NCOA2: variants seen among roughly 807,000 people sequenced by gnomAD.
NCOA2 encodes the protein nuclear receptor coactivator 2.
NCOA2 carries 21 observed loss-of-function variants against 145.1 expected under a neutral mutation model. The ratio of observed to expected loss-of-function variants is 0.14; its 90% CI spans 0.10 to 0.21. The LOEUF (loss-of-function observed/expected upper bound fraction) is 0.21. Ranked by LOEUF, NCOA2 falls within the 10% of genes least tolerant of loss-of-function variation. NCOA2 has a pLI of 1.00. For missense variants in NCOA2, 1,472 were observed against 1,837.6 expected (o/e 0.80, Z 3.64); for synonymous variants, 619 against 637.5 (o/e 0.97, Z 0.44).
At chr8:70,380,535 T>C (rs74642272) in intron 1 of NCOA2, among the ~76,000 whole-genome samples, 66 of 152,280 alleles carry the variant, frequency 4.3e-4, no homozygotes, top group African/African-American at 1.6e-3. Flanking sequence ...TCAGACACTG[T>C]GCAAGGCAAA....
At chr8:70,236,179 C>G (rs1223589030) in intron 2 of NCOA2, among the ~76,000 whole-genome samples, 1 of 152,190 alleles carries the variant, frequency 6.6e-6, no homozygotes, top group Middle Eastern at 3.2e-3. Context: ...AGTCTCTCCT[C>G]TTATCACTTT....
intron 1 of NCOA2, among the ~76,000 whole-genome samples, chr8:70,382,221 C>T (rs746994964): frequency 6.6e-5 from 10 of 151,870 alleles, no homozygotes; most frequent in Admixed American, 2.0e-4. Context: ...TGCTGAGGGC[C>T]GAAGCTGCTA....
At chr8:70,294,692 T>G (rs984576211) in intron 2 of NCOA2, among the ~76,000 whole-genome samples, 3 of 152,182 alleles carry the variant, frequency 2.0e-5, no homozygotes, top group African/African-American at 7.2e-5. Context: ...ACTAGGGGTA[T>G]TTAGGCAGAA....
chr8:70,416,201 T>TG, the NCOA2 span, among the ~76,000 whole-genome samples: 14 of 151,164 alleles, frequency 9.3e-5, no homozygotes, highest in African/African-American at 3.2e-4. Context: ...TTTTGTTTTT[T>TG]TTTTTTTTCT....
intron 2 of NCOA2, among the ~76,000 whole-genome samples, chr8:70,235,559 T>C (rs927474287): frequency 2.0e-5 from 3 of 152,166 alleles, no homozygotes; most frequent in African/African-American, 4.8e-5. Context: ...AATACTTCTC[T>C]TAGGCCAGGC....
At chr8:70,312,366 C>T (rs1805200713) in intron 1 of NCOA2, among the ~76,000 whole-genome samples, 1 of 152,180 alleles carries the variant, frequency 6.6e-6, no homozygotes, top group African/African-American at 2.4e-5. Flanking sequence ...ATATTACCAT[C>T]TATCAGGATT....
intron 2 of NCOA2, among the ~76,000 whole-genome samples, chr8:70,249,402 T>C (rs909375455): frequency 6.6e-6 from 1 of 152,128 alleles, no homozygotes; most frequent in African/African-American, 2.4e-5. Context: ...GCACTCAGAG[T>C]TAGACTTTTG....
At chr8:70,409,597 A>T in the NCOA2 span, among the ~76,000 whole-genome samples, 3 of 152,196 alleles carry the variant, frequency 2.0e-5, no homozygotes, top group Non-Finnish European at 2.9e-5. Context: ...CTAGAAGAAA[A>T]CATCAGCCAT....
upstream of NCOA2, among the ~76,000 whole-genome samples, chr8:70,404,726 T>C (rs1240429810): frequency 6.6e-6 from 1 of 152,170 alleles, no homozygotes; most frequent in African/African-American, 2.4e-5. Flanking sequence ...TATTGGAAAG[T>C]CCATTCTCTA....
chr8:70,116,502 G>T (rs912024535), intron 22 of NCOA2, among the ~76,000 whole-genome samples: 12 of 151,664 alleles, frequency 7.9e-5, no homozygotes, highest in African/African-American at 2.7e-4. Flanking sequence ...AGTGAGCTAA[G>T]ATCGCGCCAC....
chr8:70,143,271 G>C (rs562688201), intron 13 of NCOA2, among the ~76,000 whole-genome samples: 1 of 151,938 alleles, frequency 6.6e-6, no homozygotes, highest in Non-Finnish European at 1.5e-5. Context: ...TTTAAACAGC[G>C]TGAGAGTATT....
At chr8:70,451,255 T>TATATATATATATATATATATATATATAA in the NCOA2 span, among the ~76,000 whole-genome samples, 2 of 123,060 alleles carry the variant, frequency 1.6e-5, no homozygotes, top group African/African-American at 6.5e-5. Context: ...TATATATATA[T>TATATATATATATATATATATATATATAA]AAATTAGCCA....
chr8:70,254,648 C>T (rs546823820), intron 2 of NCOA2, among the ~76,000 whole-genome samples: 3 of 113,538 alleles, frequency 2.6e-5, no homozygotes, highest in South Asian at 3.0e-4. Flanking sequence ...GTAGTCAAAT[C>T]TTTAAGTAGC....
intron 1 of NCOA2, among the ~76,000 whole-genome samples, chr8:70,316,307 C>T (rs1805581877): frequency 6.6e-6 from 1 of 152,172 alleles, no homozygotes; most frequent in South Asian, 2.1e-4. Context: ...GTTCAATGAG[C>T]TGTTTTAAAG....
At chr8:70,377,204 A>T (rs755743142) in intron 1 of NCOA2, among the ~76,000 whole-genome samples, 1 of 150,232 alleles carries the variant, frequency 6.7e-6, no homozygotes, top group African/African-American at 2.5e-5. Flanking sequence ...AAATATCTCT[A>T]CTAATTCTTA....
chr8:70,270,307 C>T (rs979319805), intron 2 of NCOA2, among the ~76,000 whole-genome samples: 1 of 152,160 alleles, frequency 6.6e-6, no homozygotes, highest in African/African-American at 2.4e-5. Context: ...CAGCATGGCC[C>T]TCAACTATGC....
intron 1 of NCOA2, among the ~76,000 whole-genome samples, chr8:70,346,743 T>G (rs1808690655): frequency 6.6e-6 from 1 of 152,214 alleles, no homozygotes; most frequent in Non-Finnish European, 1.5e-5. Flanking sequence ...AGAACCAAGA[T>G]GTAGCTAACA....
intron 11 of NCOA2, 136 bp downstream of exon 11, chr8:70,155,835 G>T: frequency 1.4e-6 from 1 of 720,694 alleles, no homozygotes; most frequent in Non-Finnish European, 2.2e-6. Context: ...CAGCTTCAGC[G>T]AGATTTTCAA....
At chr8:70,245,716 TA>T (rs1266922573) in intron 2 of NCOA2, among the ~76,000 whole-genome samples, 1 of 152,126 alleles carries the variant, frequency 6.6e-6, no homozygotes, top group African/African-American at 2.4e-5. Flanking sequence ...GATCTGCTGC[TA>T]AAAATAAATG....
Sources: allele counts gnomAD v4.1 joint callset (sites outside exome capture counted in the v4.1 genomes callset), GRCh38; gene constraint gnomAD v4.1.1; transcripts MANE v1.5; gene names NCBI Gene and HGNC (gene_info 2026-07-23, HGNC 2026-07-21).